VPS35L: variants seen among roughly 807,000 people sequenced by gnomAD.
VPS35L encodes VPS35 endosomal protein-sorting factor-like.
Under a neutral mutation model 133.0 loss-of-function variants are expected in VPS35L, and 83 were observed. That is an observed-to-expected ratio of 0.62 (90% confidence interval 0.52 to 0.75). VPS35L has a LOEUF of 0.75. Among genes scored for constraint, VPS35L ranks in the 30% least tolerant of loss-of-function variants. The pLI, the probability that VPS35L is intolerant of heterozygous loss-of-function variation, is 0.00. For missense variants in VPS35L, 1,083 were observed against 1,206.8 expected (o/e 0.90, Z 1.52); for synonymous variants, 423 against 449.9 (o/e 0.94, Z 0.76).
At chr16:19,657,288 A>G (rs1431396025) in intron 26 of VPS35L, among the ~76,000 whole-genome samples, 1 of 152,154 alleles carries the variant, frequency 6.6e-6, no homozygotes, top group Non-Finnish European at 1.5e-5. Context: ...TATTATCATT[A>G]ATAATCATGC....
intron 3 of VPS35L, among the ~76,000 whole-genome samples, chr16:19,570,834 CATATATATATATATATATATATAT>C (rs58794831): frequency 0.1 from 8,098 of 78,724 alleles, 720 homozygotes; most frequent in African/African-American, 0.14. Context: ...TGCTGTGTTT[CATATATATATATATATATATATAT>C]ATATATATAT....
chr16:19,562,257 G>C (rs930606375), intron 1 of VPS35L, among the ~76,000 whole-genome samples: 4 of 152,114 alleles, frequency 2.6e-5, no homozygotes, highest in African/African-American at 9.7e-5. Context: ...AGCCAAGTGG[G>C]GGTAGAAGAA....
chr16:19,683,226 CCTT>C (rs2151619149), intron 28 of VPS35L, among the ~76,000 whole-genome samples: 1 of 152,254 alleles, frequency 6.6e-6, no homozygotes, highest in African/African-American at 2.4e-5. Context: ...CCTGGCCTTC[CCTT>C]CTTAATTTGC....
At chr16:19,637,737 GC>G in intron 20 of VPS35L, 81 bp downstream of exon 20, 2 of 965,016 alleles carry the variant, frequency 2.1e-6, no homozygotes, top group South Asian at 1.7e-5. Flanking sequence ...TTTTCATGAT[GC>G]CCCAGGCCAA....
At chr16:19,580,087 C>T (rs1971662265) in intron 6 of VPS35L, among the ~76,000 whole-genome samples, 1 of 151,662 alleles carries the variant, frequency 6.6e-6, no homozygotes, top group African/African-American at 2.4e-5. Flanking sequence ...GTAATCCCAG[C>T]TACTCAGGAG....
intron 3 of VPS35L, among the ~76,000 whole-genome samples, chr16:19,570,551 T>C (rs976887277): frequency 5.3e-5 from 8 of 151,930 alleles, no homozygotes; most frequent in Non-Finnish European, 8.8e-5. Context: ...CTTCCATAGC[T>C]TTTCCCCTGT....
intron 22 of VPS35L, among the ~76,000 whole-genome samples, chr16:19,643,121 T>C (rs960870823): frequency 6.6e-6 from 1 of 152,072 alleles, no homozygotes; most frequent in Non-Finnish European, 1.5e-5. Context: ...GTATTTCTTC[T>C]TTGTTTTCTC....
intron 5 of VPS35L, 130 bp from the exon 6 acceptor site, chr16:19,578,922 A>G (rs2151515363): frequency 1.3e-6 from 1 of 783,874 alleles, no homozygotes; most frequent in Non-Finnish European, 2.2e-6. Context: ...AAAATCTGGG[A>G]TAGTTTTCTA....
At position 19,700,525 on chromosome 16, in the gene VPS35L, A is replaced by G. The variant is rs1433527603; in HGVS notation, c.*49A>G. ...AGGGACTCTGGTGCCAAATCCAGAA[A>G]GATCTGCTCTGCTGCCCTGAACTCT... On this transcript the variant is annotated 3_prime_UTR_variant, in exon 31 of 31. Coordinates refer to ENST00000417362, the MANE Select transcript of VPS35L (RefSeq NM_020314.7). 2 of 1,476,348 alleles carry G rather than the reference A, an allele frequency of 1.4e-6. No homozygotes were observed. Among genetic ancestry groups the G allele is most frequent in the Admixed American group, 1.7e-5 (1 of 58,924 alleles). The allele number at this position is 1,476,348 out of a possible 1,614,324, so 91.5% of individuals were successfully genotyped here.
intron 5 of VPS35L, among the ~76,000 whole-genome samples, chr16:19,575,794 C>T (rs948525824): frequency 6.0e-5 from 9 of 150,644 alleles, no homozygotes; most frequent in Non-Finnish European, 1.2e-4. Context: ...ACCTGGGAGG[C>T]GGAAGTTGCA....
At chr16:19,663,151 T>G (rs9936409) in intron 26 of VPS35L, among the ~76,000 whole-genome samples, 1 of 151,428 alleles carries the variant, frequency 6.6e-6, no homozygotes, top group South Asian at 2.1e-4. Flanking sequence ...CTCTACTAAA[T>G]ATACAAAAAA....
chr16:19,626,392 T>C (rs1026591323), intron 15 of VPS35L, among the ~76,000 whole-genome samples, 169 bp downstream of exon 15: 8 of 152,142 alleles, frequency 5.3e-5, no homozygotes, highest in African/African-American at 1.9e-4. Flanking sequence ...CTCTGTTCTG[T>C]CTTAGCCCTG....
chr16:19,592,017 A>G, intron 8 of VPS35L, 143 bp downstream of exon 8: 1 of 596,860 alleles, frequency 1.7e-6, no homozygotes, highest in South Asian at 2.3e-5. Flanking sequence ...GTTCCCCCCC[A>G]CGCCCATTAA....
At position 19,633,204 on chromosome 16, in the gene VPS35L, GT is replaced by G; in HGVS notation, c.1635+34del. On this transcript the variant is annotated intron_variant, in intron 19 of 30. Coordinates refer to ENST00000417362, the MANE Select transcript of VPS35L (RefSeq NM_020314.7). The surrounding 1 kb of genome is among the most constrained non-coding windows in gnomAD (Gnocchi z 4.1). ...GATTTGCATTTCTCATTTCAACATTGTTAGGAATTTTGTTCTGTTGAATTAA... is the reference window on the plus strand; with the variant it reads ...GATTTGCATTTCTCATTTCAACATTGTAGGAATTTTGTTCTGTTGAATTAA... 1 of 1,597,328 alleles carries G rather than the reference GT, an allele frequency of 6.3e-7. No individual in the cohort carries two copies. Among genetic ancestry groups the G allele is most frequent in the South Asian group, 1.1e-5 (1 of 90,746 alleles).
chr16:19,637,118 A>G (rs1460681081), intron 19 of VPS35L, among the ~76,000 whole-genome samples: 1 of 152,242 alleles, frequency 6.6e-6, no homozygotes, highest in Non-Finnish European at 1.5e-5. Flanking sequence ...AATGTTGGCA[A>G]TGGCTGCTTT....
At chr16:19,628,524 G>C in intron 16 of VPS35L, 113 bp from the exon 17 acceptor site, 1 of 560,038 alleles carries the variant, frequency 1.8e-6, no homozygotes, top group Non-Finnish European at 3.1e-6. Flanking sequence ...GTTGTTGGAA[G>C]ATTAGCCCCA....
intron 1 of VPS35L, among the ~76,000 whole-genome samples, chr16:19,562,162 C>CG (rs1971049947): frequency 6.6e-6 from 1 of 152,054 alleles, no homozygotes; most frequent in South Asian, 2.1e-4. Context: ...GGCTTTATTC[C>CG]GGGGGGCTAC....
intron 8 of VPS35L, among the ~76,000 whole-genome samples, chr16:19,598,214 A>G (rs1972276832): frequency 6.6e-6 from 1 of 152,200 alleles, no homozygotes. Flanking sequence ...GAGGATTCAT[A>G]GGAAGTATAA....
intron 28 of VPS35L, among the ~76,000 whole-genome samples, chr16:19,686,664 C>T (rs1332374177): frequency 1.3e-5 from 2 of 152,276 alleles, no homozygotes; most frequent in African/African-American, 2.4e-5. Context: ...GTGAGAGCCA[C>T]GTCTGGACTT....
Sources: gnomAD v4.1 joint callset for allele counts (sites outside exome capture counted in the v4.1 genomes callset) on GRCh38, gnomAD v4.1.1 for gene constraint, Gnocchi (gnomAD v3.1) non-coding constraint, MANE v1.5 for transcripts, NCBI Gene and HGNC (gene_info 2026-07-23, HGNC 2026-07-21) for gene names.